The following SORCS3 variants were observed in gnomAD, a reference collection of about 807,000 sequenced individuals.
SORCS3 encodes the protein sortilin related VPS10 domain containing receptor 3.
A neutral mutation model predicts 146.3 loss-of-function variants in SORCS3; 57 were observed. The ratio of observed to expected loss-of-function variants is 0.39; its 90% CI spans 0.31 to 0.49. SORCS3 has a LOEUF of 0.49. Ranked by LOEUF, SORCS3 falls within the 20% of genes least tolerant of loss-of-function variation. The pLI is 0.92. For synonymous variants in SORCS3, 653 were observed against 618.5 expected, an observed-to-expected ratio of 1.06 and a Z score of -0.83; for missense variants, 1,341 against 1,575.5, an observed-to-expected ratio of 0.85 and a Z score of 2.52.
At chr10:104,938,537 T>C (rs1167351414) in intron 3 of SORCS3, among the ~76,000 whole-genome samples, 1 of 148,856 alleles carries the variant, frequency 6.7e-6, no homozygotes, top group Non-Finnish European at 1.5e-5. Flanking sequence ...CTTATGCCCA[T>C]AGTATCCTCT....
chr10:104,977,293 C>A, intron 3 of SORCS3, 42 bp from the exon 4 acceptor site: 1 of 1,470,498 alleles, frequency 6.8e-7, no homozygotes, highest in Non-Finnish European at 9.2e-7. Flanking sequence ...TTATTATTTC[C>A]TACTAACTCT....
At chr10:104,709,896 G>A (rs563803007) in intron 1 of SORCS3, among the ~76,000 whole-genome samples, 2 of 142,364 alleles carry the variant, frequency 1.4e-5, no homozygotes, top group Non-Finnish European at 3.1e-5. Flanking sequence ...AGTGGTGTTG[G>A]TTTTTTTTTT....
At chr10:104,878,152 A>C (rs1055298439) in intron 2 of SORCS3, among the ~76,000 whole-genome samples, 2 of 152,146 alleles carry the variant, frequency 1.3e-5, no homozygotes, top group East Asian at 1.9e-4. Context: ...CAATTTATTC[A>C]ATCACTTGGC....
intron 14 of SORCS3, among the ~76,000 whole-genome samples, chr10:105,198,312 G>C (rs1196201698): frequency 1.3e-5 from 2 of 152,122 alleles, no homozygotes; most frequent in African/African-American, 2.4e-5. Context: ...AAGACTTACT[G>C]CTGGAAGTGG....
chr10:104,700,593 C>T lies in SORCS3; in HGVS notation c.627+58639C>T, dbSNP rs1564662686. On this transcript the variant is annotated intron_variant, in intron 1 of 26. Transcript: ENST00000369701. ...GGAGGCAGAACTCTCTAATTGACAG[C>T]CTCATCAGAATAAAATGGAGTCGGG... Among the ~76,000 whole-genome samples the T allele has an allele frequency of 2.0e-5, 3 of 152,304 alleles. No individual in the cohort carries two copies. The South Asian group carries it at 6.2e-4, about 32-fold the overall frequency.
At chr10:105,073,675 G>T (rs1384632221) in intron 5 of SORCS3, among the ~76,000 whole-genome samples, 1 of 152,116 alleles carries the variant, frequency 6.6e-6, no homozygotes, top group Non-Finnish European at 1.5e-5. Context: ...AGGCATGGGG[G>T]TGAGAAGCAT....
intron 1 of SORCS3, among the ~76,000 whole-genome samples, chr10:104,723,259 G>T (rs994745603): frequency 6.6e-6 from 1 of 152,186 alleles, no homozygotes; most frequent in Non-Finnish European, 1.5e-5. Context: ...TCAGGAGCAG[G>T]TTGTTCAGTT....
At chr10:104,860,163 C>T (rs1317392668) in intron 2 of SORCS3, among the ~76,000 whole-genome samples, 1 of 116,838 alleles carries the variant, frequency 8.6e-6, no homozygotes, top group Admixed American at 1.0e-4. Flanking sequence ...AGACTTGGAA[C>T]CAACCCAAAT....
intron 5 of SORCS3, among the ~76,000 whole-genome samples, chr10:105,072,659 CTTTTTTTTTTTT>C (rs545305956): frequency 6.0e-5 from 1 of 16,582 alleles, no homozygotes; most frequent in African/African-American, 1.7e-4. Flanking sequence ...CTCTCTCTCT[CTTTTTTTTTTTT>C]TTTTTTTTTT....
chr10:105,188,803 A>C (rs1291134164), intron 14 of SORCS3, among the ~76,000 whole-genome samples: 1 of 152,212 alleles, frequency 6.6e-6, no homozygotes, highest in Non-Finnish European at 1.5e-5. Context: ...CCAGGTTTGT[A>C]ATAATTTGCT....
chr10:104,785,873 CA>C (rs1325066838), intron 1 of SORCS3, among the ~76,000 whole-genome samples: 1 of 152,200 alleles, frequency 6.6e-6, no homozygotes, highest in South Asian at 2.1e-4. Context: ...AATCTTCTTA[CA>C]GAAAAATGCA....
At chr10:104,783,057 A>G (rs1175714266) in intron 1 of SORCS3, among the ~76,000 whole-genome samples, 2 of 152,248 alleles carry the variant, frequency 1.3e-5, no homozygotes, top group Admixed American at 1.3e-4. Flanking sequence ...AGAAATTACA[A>G]CAATCTACTT....
chr10:104,677,917 C>T (rs1362342132), intron 1 of SORCS3, among the ~76,000 whole-genome samples: 1 of 152,154 alleles, frequency 6.6e-6, no homozygotes, highest in Non-Finnish European at 1.5e-5. Context: ...CTCATTATTA[C>T]ATTTAAAATA....
chr10:104,746,714 A>G (rs1296073821), intron 1 of SORCS3, among the ~76,000 whole-genome samples: 2 of 152,070 alleles, frequency 1.3e-5, no homozygotes, highest in Non-Finnish European at 2.9e-5. Flanking sequence ...CTCTGTTTCT[A>G]TGAGCTCAAC....
intron 4 of SORCS3, among the ~76,000 whole-genome samples, chr10:104,999,882 A>G (rs1332624977): frequency 6.6e-6 from 1 of 152,046 alleles, no homozygotes; most frequent in Admixed American, 6.6e-5. Context: ...AGGGGTTTTC[A>G]TATGGCCACC....
chr10:105,264,134 T>G lies in SORCS3; in HGVS notation c.*760T>G. ...ATGCCATAGCTGGTTTCTACTTATG[T>G]ATATAAAGGGGGGTGGGGGGAGGGG... On this transcript the variant is annotated 3_prime_UTR_variant, in exon 27 of 27. Transcript: ENST00000369701. 2.0e-5 allele frequency: 2 copies of G among 101,806 alleles called. No homozygotes were observed. 6.3% of individuals were successfully genotyped at this position (101,806 alleles called of 1,614,324 possible).
At position 104,815,084 on chromosome 10, in the gene SORCS3, A is replaced by G. The variant is rs546094650; in HGVS notation, c.628-27708A>G. ...AAAGACAAACAGCACTGATGGAAGG[A>G]GGACACCTGTGCGTGATTACTGCTG... On this transcript the variant is annotated intron_variant, in intron 1 of 26. Transcript: ENST00000369701. Among the ~76,000 whole-genome samples the G allele has an allele frequency of 3.9e-5, 6 of 152,294 alleles. 1 individual carries two copies. The East Asian group carries it at 1.2e-3, about 29-fold the overall frequency.
intron 2 of SORCS3, among the ~76,000 whole-genome samples, chr10:104,847,951 C>G (rs923767864): frequency 1.6e-4 from 25 of 151,976 alleles, no homozygotes; most frequent in Non-Finnish European, 3.5e-4. Context: ...CTTTCATGAC[C>G]CTCCTTTCTG....
intron 7 of SORCS3, among the ~76,000 whole-genome samples, chr10:105,124,620 C>G (rs1379014358): frequency 6.6e-6 from 1 of 152,214 alleles, no homozygotes; most frequent in African/African-American, 2.4e-5. Flanking sequence ...GCTTTTCCCT[C>G]TCTGCATTTC....
Sources: gnomAD v4.1 joint callset for allele counts (sites outside exome capture counted in the v4.1 genomes callset) on GRCh38, gnomAD v4.1.1 for gene constraint, MANE v1.5 for transcripts, NCBI Gene and HGNC (gene_info 2026-07-23, HGNC 2026-07-21) for gene names.